TOX: variants seen among roughly 807,000 people sequenced by gnomAD.
TOX encodes the protein thymocyte selection associated high mobility group box, also known as thymocyte selection-associated high mobility group box protein TOX.
In TOX, 11 loss-of-function variants were observed where a neutral mutation model predicts 53.7. The ratio of observed to expected loss-of-function variants is 0.20; its 90% CI spans 0.13 to 0.34. The LOEUF is 0.34. Among genes scored for constraint, TOX ranks in the 10% least tolerant of loss-of-function variants. The probability of loss-of-function intolerance (pLI) is 1.00; values close to 1 mark genes in which losing one functional copy is unlikely to be tolerated. For missense variants in TOX, 570 were observed against 664.6 expected (o/e 0.86, Z 1.56); for synonymous variants, 225 against 245.3 (o/e 0.92, Z 0.77).
chr8:58,959,868 A>G, intron 2 of TOX, 75 bp downstream of exon 2: 1 of 1,422,062 alleles, frequency 7.0e-7, no homozygotes, highest in Non-Finnish European at 9.9e-7. Flanking sequence ...TGATAGTGCT[A>G]CTCATTTGCA....
chr8:58,817,044 G>C (rs1292540014), intron 6 of TOX, among the ~76,000 whole-genome samples: 2 of 152,106 alleles, frequency 1.3e-5, no homozygotes, highest in Non-Finnish European at 1.5e-5. Context: ...GTGGGTGGAC[G>C]ATCAGCCCCA....
intron 4 of TOX, among the ~76,000 whole-genome samples, chr8:58,841,414 T>C (rs1810639399): frequency 6.6e-6 from 1 of 152,204 alleles, no homozygotes; most frequent in African/African-American, 2.4e-5. Context: ...AAAATATTAA[T>C]GCAAAATGAT....
chr8:58,853,307 C>A (rs1218289506), intron 3 of TOX, among the ~76,000 whole-genome samples: 1 of 152,140 alleles, frequency 6.6e-6, no homozygotes, highest in African/African-American at 2.4e-5. Flanking sequence ...CTGTATTCCT[C>A]CAAGCCTTCA....
At chr8:59,114,578 G>A (rs1416697614) in intron 1 of TOX, among the ~76,000 whole-genome samples, 1 of 152,130 alleles carries the variant, frequency 6.6e-6, no homozygotes, top group Non-Finnish European at 1.5e-5. Flanking sequence ...TATATGTGAT[G>A]TATGAATTAT....
intron 1 of TOX, among the ~76,000 whole-genome samples, chr8:58,984,166 G>A (rs149548054): frequency 3.0e-3 from 459 of 152,248 alleles, no homozygotes; most frequent in African/African-American, 0.01. Context: ...ATAGATAAAT[G>A]GGGCTAAATC....
intron 3 of TOX, among the ~76,000 whole-genome samples, chr8:58,899,312 A>G (rs1300727294): frequency 6.6e-6 from 1 of 152,230 alleles, no homozygotes; most frequent in African/African-American, 2.4e-5. Flanking sequence ...CTAATAATCA[A>G]TACAGATAGA....
At chr8:59,063,583 C>T (rs894142860) in intron 1 of TOX, among the ~76,000 whole-genome samples, 6 of 151,942 alleles carry the variant, frequency 3.9e-5, no homozygotes, top group South Asian at 2.1e-4. Context: ...GCCACCACGC[C>T]GGGCTAATTT....
At chr8:58,887,948 A>G (rs1811499726) in intron 3 of TOX, among the ~76,000 whole-genome samples, 2 of 152,104 alleles carry the variant, frequency 1.3e-5, no homozygotes, top group Non-Finnish European at 2.9e-5. Context: ...TGTAAACACC[A>G]TATAATGTAC....
At chr8:59,020,174 T>C (rs1814095858) in intron 1 of TOX, among the ~76,000 whole-genome samples, 1 of 152,216 alleles carries the variant, frequency 6.6e-6, no homozygotes, top group Non-Finnish European at 1.5e-5. Flanking sequence ...AGTATTTGTT[T>C]CATAAACCAT....
intron 1 of TOX, among the ~76,000 whole-genome samples, chr8:59,106,712 T>C (rs1401761545): frequency 1.3e-5 from 2 of 152,164 alleles, no homozygotes; most frequent in Non-Finnish European, 2.9e-5. Flanking sequence ...TGCCGGGTTG[T>C]CAATCATGAG....
intron 1 of TOX, among the ~76,000 whole-genome samples, chr8:58,965,249 C>T (rs16924330): frequency 0.034 from 5,249 of 152,180 alleles, 298 homozygotes; most frequent in African/African-American, 0.12. Flanking sequence ...CTTGACCAAG[C>T]GCTTTTAGAC....
intron 1 of TOX, among the ~76,000 whole-genome samples, chr8:59,037,209 C>T (rs1240598916): frequency 6.7e-6 from 1 of 149,198 alleles, no homozygotes; most frequent in Non-Finnish European, 1.5e-5. Flanking sequence ...TTGGCCCTCT[C>T]TGTTTGATTA....
intron 1 of TOX, among the ~76,000 whole-genome samples, chr8:58,979,762 G>A (rs1325939821): frequency 6.6e-6 from 1 of 152,192 alleles, no homozygotes; most frequent in African/African-American, 2.4e-5. Context: ...TGGAGCCAGT[G>A]TGCTGAGTTC....
intron 6 of TOX, among the ~76,000 whole-genome samples, chr8:58,821,582 T>G (rs898000125): frequency 6.6e-6 from 1 of 152,160 alleles, no homozygotes; most frequent in African/African-American, 2.4e-5. Context: ...GCTTTCTGCC[T>G]GTTGATTATT....
chr8:58,856,307 A>G (rs894598798), intron 3 of TOX, among the ~76,000 whole-genome samples: 1 of 152,156 alleles, frequency 6.6e-6, no homozygotes, highest in Non-Finnish European at 1.5e-5. Context: ...TTTAACATGT[A>G]TGTACCTTCT....
At chr8:58,955,264 T>C (rs1812690895) in intron 2 of TOX, among the ~76,000 whole-genome samples, 1 of 152,136 alleles carries the variant, frequency 6.6e-6, no homozygotes, top group Non-Finnish European at 1.5e-5. Context: ...CTCTAAAATA[T>C]GATCTCGGGC....
At chr8:58,821,290 T>A (rs1810271072) in intron 6 of TOX, among the ~76,000 whole-genome samples, 1 of 152,080 alleles carries the variant, frequency 6.6e-6, no homozygotes, top group Non-Finnish European at 1.5e-5. Context: ...GATATGCAAA[T>A]CTTTCCCCCC....
intron 3 of TOX, among the ~76,000 whole-genome samples, chr8:58,896,366 C>CTCT (rs1811646352): frequency 1.3e-5 from 2 of 152,064 alleles, no homozygotes; most frequent in African/African-American, 4.8e-5. Context: ...TCAGAATATA[C>CTCT]CATATTAGCA....
chr8:59,063,658 G>A (rs1335502451), intron 1 of TOX, among the ~76,000 whole-genome samples: 2 of 151,934 alleles, frequency 1.3e-5, no homozygotes, highest in African/African-American at 4.8e-5. Flanking sequence ...TCCAGACCTC[G>A]TGATCCACCC....
Sources: allele counts gnomAD v4.1 joint callset (sites outside exome capture counted in the v4.1 genomes callset), GRCh38; gene constraint gnomAD v4.1.1; transcripts MANE v1.5; gene names NCBI Gene and HGNC (gene_info 2026-07-23, HGNC 2026-07-21).